The following NRG1 variants were observed in gnomAD, a reference collection of about 807,000 sequenced individuals.
The protein encoded by NRG1 is neuregulin 1.
NRG1 carries 18 observed loss-of-function variants against 63.8 expected under a neutral mutation model. That is an observed-to-expected ratio of 0.28 (90% CI 0.19 to 0.42). The LOEUF (loss-of-function observed/expected upper bound fraction) is 0.42, where lower values mean the gene tolerates loss of function less well. NRG1 is among the 10% of genes least tolerant of loss of function. NRG1 has a pLI of 1.00. For synonymous variants in NRG1, 302 were observed against 301.3 expected, an observed-to-expected ratio of 1.00 and a Z score of -0.02; for missense variants, 762 against 814.7, an observed-to-expected ratio of 0.94 and a Z score of 0.79.
intron 1 of NRG1, among the ~76,000 whole-genome samples, chr8:32,073,862 T>A (rs907581317): frequency 8.5e-5 from 13 of 152,324 alleles, no homozygotes; most frequent in African/African-American, 3.1e-4. Flanking sequence ...TTTTTTCATG[T>A]CCTACCTCTT....
intron 5 of NRG1, among the ~76,000 whole-genome samples, chr8:32,690,956 T>TGC (rs1337327817): frequency 3.6e-4 from 55 of 151,390 alleles, no homozygotes; most frequent in Admixed American, 3.2e-3. Context: ...TGTGTGTGTG[T>TGC]GTGTGTGTGT....
At chr8:32,501,928 A>G (rs927676127) in intron 1 of NRG1, among the ~76,000 whole-genome samples, 1 of 152,184 alleles carries the variant, frequency 6.6e-6, no homozygotes, top group South Asian at 2.1e-4. Context: ...GGAGTTCAAG[A>G]CCAGCCTAGG....
intron 5 of NRG1, among the ~76,000 whole-genome samples, chr8:32,640,245 T>TCA (rs111977984): frequency 0.14 from 20,108 of 147,534 alleles, 1,370 homozygotes; most frequent in African/African-American, 0.18. Context: ...CTTCTTTTTG[T>TCA]CACACACACA....
intron 5 of NRG1, among the ~76,000 whole-genome samples, chr8:32,723,193 TAGAG>T (rs1277135440): frequency 1.3e-5 from 2 of 152,124 alleles, no homozygotes; most frequent in African/African-American, 2.4e-5. Flanking sequence ...GACAGGTAGA[TAGAG>T]AGAAGTCCCA....
At chr8:31,761,203 C>CA (rs1419327555) in intron 1 of NRG1, among the ~76,000 whole-genome samples, 1 of 151,854 alleles carries the variant, frequency 6.6e-6, no homozygotes, top group Admixed American at 6.6e-5. Flanking sequence ...ATCCCAAGGA[C>CA]AAAAAACCAA....
chr8:32,540,351 G>A (rs887900644), intron 1 of NRG1, among the ~76,000 whole-genome samples: 2 of 152,128 alleles, frequency 1.3e-5, no homozygotes, highest in African/African-American at 4.8e-5. Flanking sequence ...AAGAATCCTA[G>A]TATGTTGCTG....
chr8:32,561,516 C>T lies in NRG1; in HGVS notation c.100+12690C>T, dbSNP rs547028175. ...ATAGTATAGTAATGAGCTGCCTCAG[C>T]GCTCTTAAACTTTTTTTAGCACCAA... On this transcript the variant is annotated intron_variant, in intron 1 of 11. Coordinates refer to ENST00000356819, the Ensembl canonical transcript of NRG1. 5.5e-5 allele frequency among the ~76,000 whole-genome samples: 8 copies of T among 145,130 alleles called. No individual in the cohort carries two copies. In the South Asian group the frequency reaches 6.6e-4, roughly 12 times the overall value.
At chr8:32,338,944 G>A (rs1803688631) in intron 1 of NRG1, among the ~76,000 whole-genome samples, 1 of 152,082 alleles carries the variant, frequency 6.6e-6, no homozygotes, top group South Asian at 2.1e-4. Context: ...AATTTCGAGA[G>A]GAGTTCACAG....
intron 1 of NRG1, among the ~76,000 whole-genome samples, chr8:31,667,770 G>A (rs929670607): frequency 2.6e-5 from 4 of 152,178 alleles, no homozygotes; most frequent in Non-Finnish European, 5.9e-5. Context: ...AAGCTCTCAT[G>A]TCACTTTAAT....
intron 4 of NRG1, among the ~76,000 whole-genome samples, chr8:32,615,436 G>A (rs561340067): frequency 6.6e-6 from 1 of 152,134 alleles, no homozygotes; most frequent in African/African-American, 2.4e-5. Context: ...CAATAAACTT[G>A]TGAAACAAGA....
At chr8:32,646,944 A>C in intron 5 of NRG1, 2 of 984,962 alleles carry the variant, frequency 2.0e-6, no homozygotes, top group South Asian at 4.7e-5. Context: ...GCTTGGATGA[A>C]GAAGGGAAAG....
chr8:31,850,454 A>G (rs538869960), intron 1 of NRG1, among the ~76,000 whole-genome samples: 1 of 152,308 alleles, frequency 6.6e-6, no homozygotes, highest in South Asian at 2.1e-4. Flanking sequence ...GTCCATGGCA[A>G]CTGAAAAACA....
At chr8:32,268,601 G>A (rs1462419102) in intron 1 of NRG1, among the ~76,000 whole-genome samples, 1 of 152,162 alleles carries the variant, frequency 6.6e-6, no homozygotes, top group East Asian at 1.9e-4. Context: ...ATACATGAGT[G>A]AATGGATGTG....
At chr8:32,763,341 C>T (rs550014573) in intron 11 of NRG1, 1 of 1,613,984 alleles carries the variant, frequency 6.2e-7, no homozygotes, top group South Asian at 1.1e-5. Flanking sequence ...TTCTCTAAGA[C>T]CCCTTGGCCT....
chr8:32,536,887 C>T (rs1233826133), intron 1 of NRG1, among the ~76,000 whole-genome samples: 1 of 137,534 alleles, frequency 7.3e-6, no homozygotes, highest in Non-Finnish European at 1.5e-5. Flanking sequence ...TGCGCCACTG[C>T]CCTCCAGCCT....
intron 1 of NRG1, among the ~76,000 whole-genome samples, chr8:31,662,690 G>T (rs1806118005): frequency 6.6e-6 from 1 of 152,168 alleles, no homozygotes. Context: ...CTCGTTGTGT[G>T]TCTATTATAG....
intron 1 of NRG1, among the ~76,000 whole-genome samples, chr8:31,753,202 C>T (rs766664425): frequency 1.3e-5 from 2 of 151,896 alleles, no homozygotes; most frequent in African/African-American, 2.4e-5. Context: ...CAGAAGCCAC[C>T]TTCCAAAGTA....
At chr8:31,797,627 A>T (rs1821355985) in intron 1 of NRG1, among the ~76,000 whole-genome samples, 1 of 152,242 alleles carries the variant, frequency 6.6e-6, no homozygotes, top group Non-Finnish European at 1.5e-5. Flanking sequence ...TCCAAAGGAA[A>T]CAAATTCAGG....
At chr8:32,492,854 G>A (rs1240236596) in intron 1 of NRG1, among the ~76,000 whole-genome samples, 1 of 152,122 alleles carries the variant, frequency 6.6e-6, no homozygotes, top group African/African-American at 2.4e-5. Context: ...TTGAGTGTGT[G>A]TCTGGTGGGG....
Sources: allele counts gnomAD v4.1 joint callset (sites outside exome capture counted in the v4.1 genomes callset), GRCh38; gene constraint gnomAD v4.1.1; transcripts MANE v1.5; gene names NCBI Gene and HGNC (gene_info 2026-07-23, HGNC 2026-07-21).